ZFP42: variants seen among roughly 807,000 people sequenced by gnomAD.
ZFP42 encodes the protein zinc finger protein 42 homolog.
For synonymous variants in ZFP42, 175 were observed against 144.6 expected (o/e 1.21, Z -1.51); for missense variants, 438 against 377.1 (o/e 1.16, Z -1.34).
chr4:187,997,225 ATTC>A (rs1327562256), intron 1 of ZFP42, among the ~76,000 whole-genome samples: 2 of 36,500 alleles, frequency 5.5e-5, no homozygotes, highest in Non-Finnish European at 9.2e-5. Context: ...CCCCTCTCAT[ATTC>A]TTTTTTTTTT....
At chr4:187,996,639 C>G (rs1464204316) in intron 1 of ZFP42, among the ~76,000 whole-genome samples, 1 of 152,080 alleles carries the variant, frequency 6.6e-6, no homozygotes, top group Non-Finnish European at 1.5e-5. Flanking sequence ...GTTTCCCTTC[C>G]GCTCTTCATC....
At chr4:188,001,802 G>A (rs574363913) in intron 3 of ZFP42, among the ~76,000 whole-genome samples, 84 of 152,300 alleles carry the variant, frequency 5.5e-4, no homozygotes, top group African/African-American at 2.0e-3. Context: ...CTCACATAGC[G>A]GCCAGCATTT....
In ZFP42 at chr4:188,003,713, G is replaced by A. The variant is rs1560916998; in HGVS notation, c.906G>A (p.Thr302=). Residue 302 remains threonine, a synonymous_variant, in exon 4 of 4, where the codon ACG becomes ACA. Transcript: ENST00000326866. ...CCCACATCCTAACGCATGCAAATACGAACAAGAATGAACAAGAGGGAAAGT... is the reference window on the plus strand; with the variant it reads ...CCCACATCCTAACGCATGCAAATACAAACAAGAATGAACAAGAGGGAAAGT... ...LKAHILTHAN[T]NKNEQEGK 38 of 1,611,132 alleles carry A rather than the reference G, an allele frequency of 2.4e-5. No homozygotes were observed. Among genetic ancestry groups the A allele is most frequent in the Non-Finnish European group, 3.1e-5 (36 of 1,177,742 alleles).
At chr4:188,002,049 C>T (rs1367281220) in intron 3 of ZFP42, among the ~76,000 whole-genome samples, 6 of 152,176 alleles carry the variant, frequency 3.9e-5, no homozygotes, top group South Asian at 2.1e-4. Flanking sequence ...TGGTGGCGTG[C>T]GCCTGTAATC....
chr4:188,003,076 C>T lies in ZFP42; in HGVS notation c.269C>T (p.Ser90Leu), dbSNP rs149675060. 1,279 of 1,614,164 alleles carry T rather than the reference C, an allele frequency of 7.9e-4. 2 individuals are homozygous for T. Among genetic ancestry groups the T allele is most frequent in the Non-Finnish European group, 9.8e-4 (1,156 of 1,180,040 alleles). Residue 90 changes from serine to leucine, a missense_variant, in exon 4 of 4, where the codon TCA becomes TTA. Coordinates refer to ENST00000326866, the MANE Select transcript of ZFP42 (RefSeq NM_174900.5). ...TCTCAACCCATCCTGGAAGAGGACT[C>T]ACTTTTTGAGTCCTTGGAATACCTA... ...EFSQPILEED[S>L]LFESLEYLKK...
intron 2 of ZFP42, 58 bp downstream of exon 2, chr4:187,999,331 C>T (rs1409434395): frequency 3.3e-5 from 5 of 151,990 alleles, no homozygotes; most frequent in East Asian, 1.9e-4. Flanking sequence ...GGGGTTTCAC[C>T]GTTTTGCCGA....
rs748903497 is a variant in ZFP42 at position 188,003,675 on chromosome 4, A to G, written c.868A>G (p.Asn290Asp). The change falls in exon 4 of 4, where the codon AAT (asparagine) becomes GAT (aspartate). Residue 290 changes from asparagine to aspartate, a missense_variant. Transcript: ENST00000326866. Reference protein sequence around the residue: ...QGCNRRFIQSNNLKAHILTHA... With the variant: ...QGCNRRFIQSDNLKAHILTHA... ...CTGCAACAGGAGGTTTATTCAGTCAAATAACCTGAAAGCCCACATCCTAAC... is the reference window on the plus strand; with the variant it reads ...CTGCAACAGGAGGTTTATTCAGTCAGATAACCTGAAAGCCCACATCCTAAC... 6 of 1,613,824 alleles carry G rather than the reference A, an allele frequency of 3.7e-6. No homozygotes were observed. Among genetic ancestry groups the G allele is most frequent in the Non-Finnish European group, 5.1e-6 (6 of 1,180,040 alleles).
chr4:187,998,675 A>G (rs918045736), intron 1 of ZFP42, among the ~76,000 whole-genome samples: 1 of 152,144 alleles, frequency 6.6e-6, no homozygotes, highest in Non-Finnish European at 1.5e-5. Context: ...CAGTACTCAG[A>G]ACTGTAACAT....
At position 188,003,405 on chromosome 4, in the gene ZFP42, A is replaced by G. The variant is rs1244462023; in HGVS notation, c.598A>G (p.Arg200Gly). The G allele has an allele frequency of 6.2e-7, 1 of 1,614,156 alleles. No individual in the cohort carries two copies. The highest frequency in any genetic ancestry group is 1.1e-5 in the South Asian group (1 of 91,086). Residue 200 changes from arginine (R) to glycine (G), a missense_variant, in exon 4 of 4, where the codon AGG becomes GGG. Coordinates refer to ENST00000326866, the MANE Select transcript of ZFP42 (RefSeq NM_174900.5). ...CPQSGCTRKL[R>G]NRAALRKHLL... Reference sequence around the variant, plus strand: ...TCAGAGTGGATGCACTAGGAAGTTGAGGAATAGAGCTGCCCTGAGAAAGCA... The same window carrying G: ...TCAGAGTGGATGCACTAGGAAGTTGGGGAATAGAGCTGCCCTGAGAAAGCA...
At chr4:187,999,541 T>A (rs1733729884) in intron 2 of ZFP42, 68 bp from the exon 3 acceptor site, 1 of 152,230 alleles carries the variant, frequency 6.6e-6, no homozygotes, top group Admixed American at 6.5e-5. Context: ...AAAGTAATTA[T>A]ATAGGGTTGT....
At chr4:187,997,228 C>T (rs199847060) in intron 1 of ZFP42, among the ~76,000 whole-genome samples, 114 of 59,978 alleles carry the variant, frequency 1.9e-3, no homozygotes, top group South Asian at 3.1e-3. Flanking sequence ...CTCTCATATT[C>T]TTTTTTTTTT....
chr4:187,997,943 A>T (rs930947304), intron 1 of ZFP42, among the ~76,000 whole-genome samples: 1 of 152,218 alleles, frequency 6.6e-6, no homozygotes, highest in Non-Finnish European at 1.5e-5. Flanking sequence ...GAATAAGAAT[A>T]TAAAGAAAAA....
In ZFP42 at chr4:188,002,702, T is replaced by A; in HGVS notation, c.-95-11T>A. 3 of 900,652 alleles carry A rather than the reference T, an allele frequency of 3.3e-6. No individual in the cohort carries two copies. Among genetic ancestry groups the A allele is most frequent in the Non-Finnish European group, 5.2e-6 (3 of 573,972 alleles). 55.8% of individuals were successfully genotyped at this position (900,652 alleles called of 1,614,324 possible). A position where few individuals can be genotyped will look rare whatever the true frequency, so the allele number is the denominator to read the frequency against. ...AATCTATTTTAACTAAAGGTTATTA[T>A]CATAAAGCAGGTGTTTGCTGAAGAC... On this transcript the variant is annotated splice_polypyrimidine_tract_variant and intron_variant, in intron 3 of 3. Transcript: ENST00000326866.
At chr4:188,001,064 A>T (rs1733792236) in intron 3 of ZFP42, among the ~76,000 whole-genome samples, 1 of 152,210 alleles carries the variant, frequency 6.6e-6, no homozygotes, top group African/African-American at 2.4e-5. Flanking sequence ...ACATATTTTT[A>T]AATACATTTT....
intron 1 of ZFP42, among the ~76,000 whole-genome samples, chr4:187,997,638 G>A (rs927363162): frequency 4.6e-5 from 7 of 151,644 alleles, no homozygotes; most frequent in African/African-American, 1.7e-4. Context: ...GAGGAACTTT[G>A]CATCTTTTTC....
rs1733922967 is a variant in ZFP42, at chr4:188,003,437, C to T, written c.630C>T (p.Leu210=). The T allele has an allele frequency of 6.2e-7, 1 of 1,614,004 alleles. No homozygotes were observed. Among genetic ancestry groups the T allele is most frequent in the Admixed American group, 1.7e-5 (1 of 60,004 alleles). ...RNRAALRKHL[L]IHGPRDHVCA... ...GAGCTGCCCTGAGAAAGCATCTCCTCATTCATGGTCCCCGAGACCACGTCT... is the reference window on the plus strand; with the variant it reads ...GAGCTGCCCTGAGAAAGCATCTCCTTATTCATGGTCCCCGAGACCACGTCT... Residue 210 remains leucine (L), a synonymous_variant, in exon 4 of 4, where the codon CTC becomes CTT. Coordinates refer to ENST00000326866, the MANE Select transcript of ZFP42 (RefSeq NM_174900.5).
Position 188,002,728 on chromosome 4 carries a change from A to T in ZFP42, c.-80A>T. The T allele has an allele frequency of 8.4e-7, 1 of 1,195,864 alleles. No individual in the cohort carries two copies. Among genetic ancestry groups the T allele is most frequent in the Non-Finnish European group, 1.2e-6 (1 of 835,228 alleles). 74.1% of individuals were successfully genotyped at this position (1,195,864 alleles called of 1,614,324 possible). The stretch of plus-strand genomic sequence containing the variant: ...CATAAAGCAGGTGTTTGCTGAAGAC[A>T]GCTTACTCAGATCACTACTGCCTGG... On this transcript the variant is annotated 5_prime_UTR_variant, in exon 4 of 4. Coordinates refer to ENST00000326866, the MANE Select transcript of ZFP42 (RefSeq NM_174900.5).
chr4:187,996,520 G>A (rs1733575257), intron 1 of ZFP42, among the ~76,000 whole-genome samples: 1 of 151,962 alleles, frequency 6.6e-6, no homozygotes, highest in East Asian at 2.0e-4. Flanking sequence ...ATGTTGGTCA[G>A]GCTGGTCTCG....
At chr4:187,999,449 A>G (rs1055484472) in intron 2 of ZFP42, among the ~76,000 whole-genome samples, 160 bp from the exon 3 acceptor site, 9 of 152,182 alleles carry the variant, frequency 5.9e-5, no homozygotes, top group East Asian at 3.9e-4. Context: ...ATTCCTTTCT[A>G]TGTAACACCC....
Sources: gnomAD v4.1 joint callset for allele counts (sites outside exome capture counted in the v4.1 genomes callset) on GRCh38, gnomAD v4.1.1 for gene constraint, MANE v1.5 for transcripts, NCBI Gene and HGNC (gene_info 2026-07-23, HGNC 2026-07-21) for gene names.